Variants in RET observed in about 807,000 individuals in gnomAD.
RET encodes the protein proto-oncogene tyrosine-protein kinase receptor Ret.
A neutral mutation model predicts 118.3 loss-of-function variants in RET; 19 were observed. The observed-to-expected ratio is 0.16, with a 90% CI of 0.11 to 0.24. The LOEUF (loss-of-function observed/expected upper bound fraction) is 0.24, where lower values mean the gene tolerates loss of function less well. Among genes scored for constraint, RET ranks in the 10% least tolerant of loss-of-function variants. The pLI is 1.00. For missense variants in RET, 1,219 were observed against 1,502.1 expected (o/e 0.81, Z 3.12); for synonymous variants, 597 against 644.1 (o/e 0.93, Z 1.11).
chr10:43,123,081 C>A (rs935245612), intron 16 of RET, among the ~76,000 whole-genome samples: 2 of 152,166 alleles, frequency 1.3e-5, no homozygotes, highest in African/African-American at 2.4e-5. Context: ...CTGGTGTGCT[C>A]CGTGGTGTGC....
intron 1 of RET, among the ~76,000 whole-genome samples, chr10:43,099,911 T>C (rs1454565696): frequency 6.6e-6 from 1 of 152,252 alleles, no homozygotes; most frequent in East Asian, 1.9e-4. Context: ...ACGGTGTGCC[T>C]GTCCATCCAC....
intron 17 of RET, 100 bp from the exon 18 acceptor site, chr10:43,124,783 G>A: frequency 8.8e-7 from 1 of 1,142,366 alleles, no homozygotes. Context: ...AGAGCACACT[G>A]GGCCCAGGGT....
Position 43,129,744 on chromosome 10 carries a change from C to T in RET, c.*1475C>T. ...GCAAAATTGTGGCATTTTGTGAGGC[C>T]AAGGCTTGGATGCGTGTGTAATAGA... On this transcript the variant is annotated 3_prime_UTR_variant, in exon 20 of 20. Transcript: ENST00000355710. 2 of 387,300 alleles carry T rather than the reference C, an allele frequency of 5.2e-6. No homozygotes were observed. Among genetic ancestry groups the T allele is most frequent in the Non-Finnish European group, 9.1e-6 (2 of 219,194 alleles). 24.0% of individuals were successfully genotyped at this position (387,300 alleles called of 1,614,324 possible).
At chr10:43,122,765 G>A (rs1224936393) in intron 16 of RET, among the ~76,000 whole-genome samples, 1 of 152,036 alleles carries the variant, frequency 6.6e-6, no homozygotes, top group Non-Finnish European at 1.5e-5. Flanking sequence ...GTGCTACTTC[G>A]CCTGGCTCAT....
intron 3 of RET, 196 bp from the exon 4 acceptor site, chr10:43,104,756 C>T: frequency 5.0e-6 from 4 of 803,152 alleles, no homozygotes; most frequent in Non-Finnish European, 7.7e-6. Flanking sequence ...AAACTGCAAA[C>T]TCGTAAGCAC....
At chr10:43,094,656 T>C (rs1162293652) in intron 1 of RET, among the ~76,000 whole-genome samples, 1 of 152,098 alleles carries the variant, frequency 6.6e-6, no homozygotes, top group African/African-American at 2.4e-5. Flanking sequence ...CAGGAGCCAG[T>C]GGAGAGCTGG....
In RET at chr10:43,103,632, T is replaced by C. The variant is rs149973269; in HGVS notation, c.625+1003T>C. 2.2e-4 allele frequency among the ~76,000 whole-genome samples: 34 copies of C among 152,268 alleles called. No individual in the cohort carries two copies. In the East Asian group the frequency reaches 6.2e-3, roughly 28 times the overall value. On this transcript the variant is annotated intron_variant, in intron 3 of 19. Transcript: ENST00000355710. ...CACAAACATGGCAAGAATATTAAAA[T>C]CTCAGTAAAGGAAGACAAGCCATCA...
chr10:43,111,168 C>A, intron 6 of RET, 39 bp from the exon 7 acceptor site: 2 of 1,611,392 alleles, frequency 1.2e-6, no homozygotes, highest in South Asian at 2.2e-5. Context: ...ACAGGCCGGT[C>A]CAGCTGCCTG....
intron 7 of RET, 118 bp from the exon 8 acceptor site, chr10:43,111,981 G>A (rs560224653): frequency 3.0e-5 from 42 of 1,418,290 alleles, no homozygotes; most frequent in African/African-American, 5.7e-5. Context: ...CTGTCACTCC[G>A]GTCCCCTTGG....
At position 43,100,489 on chromosome 10, in the gene RET, C is replaced by T. The variant is rs1220655426; in HGVS notation, c.104C>T (p.Ala35Val). ...TTGGGCCTCTACTTCTCGAGGGATG[C>T]TTACTGGGAGAAGCTGTATGTGGAC... ...VALGLYFSRD[A>V]YWEKLYVDQA... Residue 35 changes from alanine (A) to valine (V), a missense_variant, in exon 2 of 20, where the codon GCT becomes GTT. Coordinates refer to ENST00000355710, the MANE Select transcript of RET (RefSeq NM_020975.6). The T allele has an allele frequency of 1.2e-6, 2 of 1,613,562 alleles. No individual in the cohort carries two copies.
At position 43,099,178 on chromosome 10, in the gene RET, C is replaced by T. The variant is rs374866700; in HGVS notation, c.74-1281C>T. ...AAGGAAGCTACGCCTCTGTCCACAG[C>T]GCCTTCAGTGATTCATTTTTCAGTT... On this transcript the variant is annotated intron_variant, in intron 1 of 19. Coordinates refer to ENST00000355710, the MANE Select transcript of RET (RefSeq NM_020975.6). Among the ~76,000 whole-genome samples the T allele has an allele frequency of 3.3e-3, 505 of 152,218 alleles. 5 individuals are homozygous for T. The highest frequency in any genetic ancestry group is 0.012 in the African/African-American group (486 of 41,524).
chr10:43,087,157 C>T (rs370835036), intron 1 of RET, among the ~76,000 whole-genome samples: 142 of 152,308 alleles, frequency 9.3e-4, no homozygotes, highest in African/African-American at 3.2e-3. Flanking sequence ...AGAAGAGCCT[C>T]AGTTAAGGAG....
At chr10:43,081,930 C>T (rs1269064388) in intron 1 of RET, among the ~76,000 whole-genome samples, 2 of 152,182 alleles carry the variant, frequency 1.3e-5, no homozygotes, top group Non-Finnish European at 2.9e-5. Flanking sequence ...ACTTGGCAGC[C>T]CCTGAGGTCC....
intron 15 of RET, among the ~76,000 whole-genome samples, chr10:43,121,684 C>T (rs1838221098): frequency 6.6e-6 from 1 of 152,198 alleles, no homozygotes; most frequent in South Asian, 2.1e-4. Flanking sequence ...GCACTACCAG[C>T]AGGCCTGTGG....
intron 17 of RET, 65 bp from the exon 18 acceptor site, chr10:43,124,818 G>C: frequency 1.3e-6 from 2 of 1,512,214 alleles, no homozygotes; most frequent in Non-Finnish European, 9.2e-7. Flanking sequence ...GATGGCTGTG[G>C]TGGGCTGTCC....
intron 1 of RET, among the ~76,000 whole-genome samples, chr10:43,089,033 T>C (rs1207416834): frequency 1.3e-5 from 2 of 152,200 alleles, no homozygotes; most frequent in Admixed American, 1.3e-4. Flanking sequence ...TCCACTTGCC[T>C]GTCTGTGGCT....
At chr10:43,104,029 G>A (rs1837700342) in intron 3 of RET, among the ~76,000 whole-genome samples, 1 of 152,234 alleles carries the variant, frequency 6.6e-6, no homozygotes, top group African/African-American at 2.4e-5. Flanking sequence ...CTTCAGGGGC[G>A]ATGTAGTCTA....
Position 43,109,021 on chromosome 10 carries a change from C to T in RET, c.1064-10C>T, listed in dbSNP as rs747466717. On this transcript the variant is annotated splice_polypyrimidine_tract_variant and intron_variant, in intron 5 of 19. Coordinates refer to ENST00000355710, the MANE Select transcript of RET (RefSeq NM_020975.6). Reference sequence around the variant, plus strand: ...CAGCTTGGTGGTCATTGTTGTGCCCCTACCTGCAGGGCTGGTTCTCAACCG... The same window carrying T: ...CAGCTTGGTGGTCATTGTTGTGCCCTTACCTGCAGGGCTGGTTCTCAACCG... The T allele has an allele frequency of 2.3e-5, 37 of 1,611,174 alleles. No homozygotes were observed. In the South Asian group the frequency reaches 3.8e-4, roughly 17 times the overall value.
At position 43,116,746 on chromosome 10, in the gene RET, C is replaced by T. The variant is rs768252806; in HGVS notation, c.2284+15C>T. 25 of 1,612,088 alleles carry T rather than the reference C, an allele frequency of 1.6e-5. No individual in the cohort carries two copies. Among genetic ancestry groups the T allele is most frequent in the Non-Finnish European group, 2.0e-5 (24 of 1,179,376 alleles). ...GATGCTGAAAGGTACCTGCCAGGCA[C>T]AGGCACAGTGCCCCTGGGGGAGTCT... On this transcript the variant is annotated intron_variant, in intron 12 of 19. Transcript: ENST00000355710.
Sources: allele counts gnomAD v4.1 joint callset (sites outside exome capture counted in the v4.1 genomes callset), GRCh38; gene constraint gnomAD v4.1.1; transcripts MANE v1.5; gene names NCBI Gene and HGNC (gene_info 2026-07-23, HGNC 2026-07-21).